The following BMPR1A variants were observed in gnomAD, a reference collection of about 807,000 sequenced individuals.
BMPR1A encodes bone morphogenetic protein receptor type-1A.
BMPR1A carries 7 observed loss-of-function variants against 66.0 expected under a neutral mutation model. The ratio of observed to expected loss-of-function variants is 0.11; its 90% CI spans 0.06 to 0.20. The LOEUF is 0.20. Among genes scored for constraint, BMPR1A ranks in the 10% least tolerant of loss-of-function variants. BMPR1A has a pLI of 1.00. For missense variants in BMPR1A, 408 were observed against 669.1 expected (o/e 0.61, Z 4.31); for synonymous variants, 200 against 229.7 (o/e 0.87, Z 1.17).
chr10:86,886,061 T>C (rs11594289), intron 3 of BMPR1A, among the ~76,000 whole-genome samples: 22,328 of 152,216 alleles, frequency 0.15, 2,636 homozygotes, highest in East Asian at 0.67. Context: ...TTAAATATTT[T>C]GTGTGTGTTT....
chr10:86,765,518 C>G (rs947725676), intron 1 of BMPR1A, among the ~76,000 whole-genome samples: 7 of 149,594 alleles, frequency 4.7e-5, no homozygotes, highest in Non-Finnish European at 8.9e-5. Context: ...ATATTCCTCT[C>G]TCTCCTATGA....
intron 1 of BMPR1A, among the ~76,000 whole-genome samples, chr10:86,797,817 G>A (rs1841745780): frequency 6.6e-6 from 1 of 152,168 alleles, no homozygotes; most frequent in Non-Finnish European, 1.5e-5. Context: ...CAAGAAATCT[G>A]TTAATGCATG....
At chr10:86,862,659 C>T (rs566306367) in intron 2 of BMPR1A, among the ~76,000 whole-genome samples, 4 of 152,074 alleles carry the variant, frequency 2.6e-5, no homozygotes, top group South Asian at 4.2e-4. Flanking sequence ...TGTGTGGGTT[C>T]TGGACAGATT....
intron 7 of BMPR1A, among the ~76,000 whole-genome samples, chr10:86,908,836 G>A (rs1314209705): frequency 6.6e-6 from 1 of 152,176 alleles, no homozygotes; most frequent in East Asian, 1.9e-4. Flanking sequence ...ACTGCCCTGT[G>A]GTCCTCCTGT....
At chr10:86,788,908 T>A (rs2132758320) in intron 1 of BMPR1A, among the ~76,000 whole-genome samples, 1 of 152,182 alleles carries the variant, frequency 6.6e-6, no homozygotes, top group East Asian at 1.9e-4. Flanking sequence ...CGCCCAGTTC[T>A]GTTTTCAAAT....
chr10:86,917,235 G>C lies in BMPR1A; in HGVS notation c.777G>C (p.Ala259=). The C allele has an allele frequency of 6.2e-7, 1 of 1,613,860 alleles. No homozygotes were observed. The highest frequency in any genetic ancestry group is 8.5e-7 in the Non-Finnish European group (1 of 1,179,882). ...WMGKWRGEKV[A]VKVFFTTEEA... Reference sequence around the variant, plus strand: ...GCAAATGGCGTGGCGAAAAAGTGGCGGTGAAAGTATTCTTTACCACTGAAG... The same window carrying C: ...GCAAATGGCGTGGCGAAAAAGTGGCCGTGAAAGTATTCTTTACCACTGAAG... The change falls in exon 9 of 13, where the codon GCG becomes GCC. Residue 259 remains alanine, a synonymous_variant. Transcript: ENST00000372037.
At chr10:86,827,788 A>C (rs988211609) in intron 1 of BMPR1A, among the ~76,000 whole-genome samples, 1 of 152,114 alleles carries the variant, frequency 6.6e-6, no homozygotes, top group African/African-American at 2.4e-5. Flanking sequence ...AGCTCCACCC[A>C]TCTTTGTTTT....
intron 2 of BMPR1A, among the ~76,000 whole-genome samples, chr10:86,861,998 A>G (rs960856421): frequency 3.3e-5 from 5 of 152,220 alleles, no homozygotes; most frequent in East Asian, 1.9e-4. Context: ...CATTCCCTCA[A>G]TAAATATTTA....
chr10:86,890,612 T>C (rs994724516), intron 4 of BMPR1A, among the ~76,000 whole-genome samples: 2 of 152,062 alleles, frequency 1.3e-5, no homozygotes, highest in Non-Finnish European at 1.5e-5. Context: ...ATTTTTTTTT[T>C]AACTATAGAC....
intron 1 of BMPR1A, among the ~76,000 whole-genome samples, chr10:86,760,244 C>CCTTT (rs1841026307): frequency 3.6e-5 from 1 of 27,826 alleles, no homozygotes; most frequent in African/African-American, 1.3e-4. Flanking sequence ...TTCTTTCTTT[C>CCTTT]TTTCTTTTTT....
chr10:86,760,239 TC>T (rs1564675363), intron 1 of BMPR1A, among the ~76,000 whole-genome samples: 34 of 108,356 alleles, frequency 3.1e-4, no homozygotes, highest in Non-Finnish European at 4.3e-4. Flanking sequence ...TTTCTTTCTT[TC>T]TTTCTTTCTT....
intron 1 of BMPR1A, among the ~76,000 whole-genome samples, chr10:86,774,422 G>A (rs1023328860): frequency 6.6e-6 from 1 of 151,406 alleles, no homozygotes; most frequent in Non-Finnish European, 1.5e-5. Flanking sequence ...GGTAAAGCAT[G>A]GTAACCCATT....
chr10:86,796,488 CACAT>C (rs888363498), intron 1 of BMPR1A, among the ~76,000 whole-genome samples: 25 of 142,034 alleles, frequency 1.8e-4, no homozygotes, highest in African/African-American at 6.6e-4. Flanking sequence ...TAAATTTAGG[CACAT>C]TTATTTATTT....
chr10:86,841,157 A>G (rs1842419904), intron 2 of BMPR1A, among the ~76,000 whole-genome samples: 1 of 152,226 alleles, frequency 6.6e-6, no homozygotes, highest in Admixed American at 6.5e-5. Flanking sequence ...CACCTACTGT[A>G]TGCCAGGCAC....
Position 86,797,068 on chromosome 10 carries a change from C to CTTTTTTTTT in BMPR1A, c.-268+40157_-268+40165dup, listed in dbSNP as rs780930060. Among the ~76,000 whole-genome samples the CTTTTTTTTT allele has an allele frequency of 2.2e-3, 233 of 104,982 alleles. 6 individuals are homozygous for CTTTTTTTTT. Among genetic ancestry groups the CTTTTTTTTT allele is most frequent in the African/African-American group, 5.5e-3 (169 of 30,458 alleles). 68.9% of individuals were successfully genotyped at this position (104,982 alleles called of 152,430 possible). ...TTTTCCTTTCTTTTTCTTTTCTTTT[C>CTTTTTTTTT]TTTTTTTTTTTTTTTTGAGACAGTC... On this transcript the variant is annotated intron_variant, in intron 1 of 12. Transcript: ENST00000372037.
chr10:86,922,862 C>T (rs552595588), intron 11 of BMPR1A, among the ~76,000 whole-genome samples: 7 of 152,346 alleles, frequency 4.6e-5, no homozygotes, highest in South Asian at 2.1e-4. Context: ...TCACCGTTTC[C>T]GGTAAGTTTT....
intron 2 of BMPR1A, among the ~76,000 whole-genome samples, chr10:86,839,188 C>A (rs1842391452): frequency 6.6e-6 from 1 of 152,174 alleles, no homozygotes. Context: ...TGTTGAACCT[C>A]TTCAGGAGTG....
chr10:86,778,437 C>T (rs1196883042), intron 1 of BMPR1A, among the ~76,000 whole-genome samples: 1 of 152,014 alleles, frequency 6.6e-6, no homozygotes, highest in Non-Finnish European at 1.5e-5. Flanking sequence ...GCCACCGTGC[C>T]TGCCCTGCCG....
chr10:86,824,979 C>T (rs1163789350), intron 1 of BMPR1A, among the ~76,000 whole-genome samples: 2 of 151,714 alleles, frequency 1.3e-5, no homozygotes, highest in Non-Finnish European at 2.9e-5. Flanking sequence ...GGAAATAAAT[C>T]TATTTTGAGA....
Sources: allele counts gnomAD v4.1 joint callset (sites outside exome capture counted in the v4.1 genomes callset), GRCh38; gene constraint gnomAD v4.1.1; transcripts MANE v1.5; gene names NCBI Gene and HGNC (gene_info 2026-07-23, HGNC 2026-07-21).